Variants in DPYSL5 observed in about 807,000 individuals in gnomAD.
The protein encoded by DPYSL5 is dihydropyrimidinase like 5, also known as dihydropyrimidinase-related protein 5.
DPYSL5 carries 9 observed loss-of-function variants against 58.4 expected under a neutral mutation model. The ratio of observed to expected loss-of-function variants is 0.15; its 90% CI spans 0.09 to 0.27. The LOEUF (loss-of-function observed/expected upper bound fraction) is 0.27. Among genes scored for constraint, DPYSL5 ranks in the 10% least tolerant of loss-of-function variants. The probability of loss-of-function intolerance (pLI) is 1.00; values close to 1 mark genes in which losing one functional copy is unlikely to be tolerated. For missense variants in DPYSL5, 499 were observed against 770.6 expected, an observed-to-expected ratio of 0.65 and a Z score of 4.17; for synonymous variants, 293 against 301.9, an observed-to-expected ratio of 0.97 and a Z score of 0.31.
At chr2:26,931,165 A>ATGTGTGTGTG (rs1272980596) in intron 5 of DPYSL5, among the ~76,000 whole-genome samples, 1 of 50,370 alleles carries the variant, frequency 2.0e-5, no homozygotes, top group Non-Finnish European at 4.3e-5. Context: ...ATATATATAT[A>ATGTGTGTGTG]TATATGTGTG....
Position 26,859,586 on chromosome 2 carries a change from A to G in DPYSL5, c.-5+11332A>G, listed in dbSNP as rs186111678. 4.6e-5 allele frequency among the ~76,000 whole-genome samples: 7 copies of G among 152,348 alleles called. No individual in the cohort carries two copies. In the East Asian group the frequency reaches 1.2e-3, roughly 25 times the overall value. Reference sequence around the variant, plus strand: ...AATTGTGTGAGCTACTCAGTCATTAACAGGAATAATTTGGAGGACAAAAGA... The same window carrying G: ...AATTGTGTGAGCTACTCAGTCATTAGCAGGAATAATTTGGAGGACAAAAGA... On this transcript the variant is annotated intron_variant, in intron 1 of 12. Coordinates refer to ENST00000288699, the MANE Select transcript of DPYSL5 (RefSeq NM_020134.4).
rs775375591 is a variant in DPYSL5, at chr2:26,928,752, C to CGT, written c.669+435_669+436dup. ...ATACGCACACACACGCACACACATACGTGTGTGCGTGTGTGTGTGTGTGTA... is the reference window on the plus strand; with the variant it reads ...ATACGCACACACACGCACACACATACGTGTGTGTGCGTGTGTGTGTGTGTGTA... On this transcript the variant is annotated intron_variant, in intron 5 of 12. Coordinates refer to ENST00000288699, the MANE Select transcript of DPYSL5 (RefSeq NM_020134.4). 6.6e-3 allele frequency among the ~76,000 whole-genome samples: 569 copies of CGT among 86,678 alleles called. 8 individuals are homozygous for CGT. The highest frequency in any genetic ancestry group is 0.023 in the African/African-American group (547 of 23,828). The allele number at this position is 86,678 out of a possible 152,430, so 56.9% of individuals were successfully genotyped here.
chr2:26,883,583 G>A (rs1303252329), intron 1 of DPYSL5, among the ~76,000 whole-genome samples: 1 of 152,038 alleles, frequency 6.6e-6, no homozygotes, highest in African/African-American at 2.4e-5. Context: ...ATTTTTAGTA[G>A]AGATGGGGTT....
chr2:26,945,610 G>A (rs1466559800), intron 12 of DPYSL5, among the ~76,000 whole-genome samples: 1 of 151,986 alleles, frequency 6.6e-6, no homozygotes, highest in African/African-American at 2.4e-5. Flanking sequence ...GCCTCCAGGT[G>A]GCTTAGGTGG....
At chr2:26,899,089 A>T (rs757493937) in intron 2 of DPYSL5, among the ~76,000 whole-genome samples, 3 of 152,210 alleles carry the variant, frequency 2.0e-5, no homozygotes, top group African/African-American at 7.2e-5. Context: ...TTTGTTATTA[A>T]GTAGGGGAGT....
At chr2:26,932,181 A>AAGAAAGAAAGAAAGAAAGAAAGAAAGAC (rs1665036057) in intron 6 of DPYSL5, among the ~76,000 whole-genome samples, 3 of 74,948 alleles carry the variant, frequency 4.0e-5, no homozygotes, top group Admixed American at 1.3e-4. Flanking sequence ...GAAAGAAAGA[A>AAGAAAGAAAGAAAGAAAGAAAGAAAGAC]AGAAAGAAAG....
intron 1 of DPYSL5, among the ~76,000 whole-genome samples, chr2:26,889,966 T>G (rs1309706416): frequency 6.6e-6 from 1 of 152,162 alleles, no homozygotes; most frequent in East Asian, 1.9e-4. Flanking sequence ...GCATGATGAG[T>G]GTCCACAGTC....
chr2:26,870,458 G>A (rs1440515751), intron 1 of DPYSL5, among the ~76,000 whole-genome samples: 2 of 152,162 alleles, frequency 1.3e-5, no homozygotes, highest in African/African-American at 4.8e-5. Flanking sequence ...GTTTACAACT[G>A]TAGTTTGTGT....
intron 1 of DPYSL5, among the ~76,000 whole-genome samples, chr2:26,850,788 G>A (rs1665731437): frequency 6.6e-6 from 1 of 152,148 alleles, no homozygotes; most frequent in Admixed American, 6.5e-5. Context: ...TCTTGTCTGA[G>A]TGTCCTTTCT....
intron 2 of DPYSL5, among the ~76,000 whole-genome samples, chr2:26,916,613 A>G (rs181557694): frequency 6.6e-6 from 1 of 152,222 alleles, no homozygotes; most frequent in East Asian, 1.9e-4. Flanking sequence ...CTGTCTTCCA[A>G]CTGTGCCCCC....
chr2:26,879,950 G>T (rs1245677102), intron 1 of DPYSL5, among the ~76,000 whole-genome samples: 1 of 152,008 alleles, frequency 6.6e-6, no homozygotes, highest in Non-Finnish European at 1.5e-5. Flanking sequence ...GAGTGCAGTG[G>T]CATGATCATG....
chr2:26,942,856 C>A lies in DPYSL5; in HGVS notation c.1440+106C>A. 7.7e-7 allele frequency: 1 copy of A among 1,296,324 alleles called. No individual in the cohort carries two copies. Among genetic ancestry groups the A allele is most frequent in the Non-Finnish European group, 1.1e-6 (1 of 930,602 alleles). 80.3% of individuals were successfully genotyped at this position (1,296,324 alleles called of 1,614,324 possible). On this transcript the variant is annotated intron_variant, in intron 11 of 12. Transcript: ENST00000288699. This position sits in a 1 kb window ranked among gnomAD's most constrained non-coding sequence, Gnocchi z 5.9. ...GAGATGTTCACTCCAGTTTTCGACC[C>A]AATTCCATTGCACTTTCTCCAGCGT...
At chr2:26,883,863 G>A (rs1167716466) in intron 1 of DPYSL5, among the ~76,000 whole-genome samples, 4 of 152,156 alleles carry the variant, frequency 2.6e-5, no homozygotes, top group East Asian at 1.9e-4. Context: ...CAGGTAGCCC[G>A]GGTTTGTGGT....
chr2:26,879,049 G>A (rs986698331), intron 1 of DPYSL5, among the ~76,000 whole-genome samples: 3 of 152,180 alleles, frequency 2.0e-5, no homozygotes, highest in African/African-American at 7.2e-5. Context: ...ACCAACTTGT[G>A]AGCTCCATGA....
At chr2:26,867,457 TTG>T (rs1347896454) in intron 1 of DPYSL5, among the ~76,000 whole-genome samples, 2 of 137,946 alleles carry the variant, frequency 1.4e-5, no homozygotes, top group South Asian at 2.3e-4. Context: ...TTTTTTTTGT[TTG>T]TTTTTTTTTT....
In DPYSL5 at chr2:26,925,076, G is replaced by T. The variant is rs368542857; in HGVS notation, c.420+31G>T. 1.8e-5 allele frequency: 29 copies of T among 1,608,850 alleles called. No homozygotes were observed. Among genetic ancestry groups the T allele is most frequent in the Non-Finnish European group, 2.4e-5 (28 of 1,176,898 alleles). On this transcript the variant is annotated intron_variant, in intron 3 of 12. Transcript: ENST00000288699. The surrounding 1 kb of genome is among the most constrained non-coding windows in gnomAD (Gnocchi z 4.5). ...AGTGCTGGTGGGATCCCAGAAGAAG[G>T]CACAAGTGGTCTTGTAGGCAGAGGG...
chr2:26,898,550 G>T lies in DPYSL5; in HGVS notation c.51G>T (p.Val17=), dbSNP rs779236142. The change falls in exon 2 of 13, where the codon GTG becomes GTT. Residue 17 remains valine, a synonymous_variant. Transcript: ENST00000288699. This position sits in a 1 kb window ranked among gnomAD's most constrained non-coding sequence, Gnocchi z 6.1. The part of the protein sequence containing the change: ...SVRILIKGGK[V]VNDDCTHEAD... Reference sequence around the variant, plus strand: ...GGATCCTCATCAAGGGAGGCAAGGTGGTGAACGATGACTGCACCCACGAGG... The same window carrying T: ...GGATCCTCATCAAGGGAGGCAAGGTTGTGAACGATGACTGCACCCACGAGG... 6.2e-7 allele frequency: 1 copy of T among 1,614,198 alleles called. No individual in the cohort carries two copies. The highest frequency in any genetic ancestry group is 1.7e-5 in the Admixed American group (1 of 60,034).
At chr2:26,919,659 T>C (rs1473591228) in intron 2 of DPYSL5, among the ~76,000 whole-genome samples, 1 of 152,190 alleles carries the variant, frequency 6.6e-6, no homozygotes, top group Non-Finnish European at 1.5e-5. Flanking sequence ...CTTGGGTTGA[T>C]AAATGGGCAC....
Position 26,925,676 on chromosome 2 carries a change from C to G in DPYSL5, c.420+631C>G, listed in dbSNP as rs1198334779. On this transcript the variant is annotated intron_variant, in intron 3 of 12. Coordinates refer to ENST00000288699, the MANE Select transcript of DPYSL5 (RefSeq NM_020134.4). The surrounding 1 kb of genome is among the most constrained non-coding windows in gnomAD (Gnocchi z 4.5). ...GGCCTCTGGCTTTCCTGTCCTCCCC[C>G]TGCCCAGGCCCCAGGGTCAGAGTCC... 2.6e-5 allele frequency among the ~76,000 whole-genome samples: 4 copies of G among 152,298 alleles called. No homozygotes were observed. The highest frequency in any genetic ancestry group is 1.9e-4 in the East Asian group (1 of 5,182).
Sources: gnomAD v4.1 joint callset for allele counts (sites outside exome capture counted in the v4.1 genomes callset) on GRCh38, gnomAD v4.1.1 for gene constraint, Gnocchi (gnomAD v3.1) non-coding constraint, MANE v1.5 for transcripts, NCBI Gene and HGNC (gene_info 2026-07-23, HGNC 2026-07-21) for gene names.